AGBL1: variants seen among roughly 807,000 people sequenced by gnomAD.
The protein encoded by AGBL1 is cytosolic carboxypeptidase 4.
Under a neutral mutation model 118.9 loss-of-function variants are expected in AGBL1, and 130 were observed. The observed-to-expected ratio is 1.09, with a 90% confidence interval of 0.95 to 1.26. The LOEUF (loss-of-function observed/expected upper bound fraction) is 1.26, where lower values mean the gene tolerates loss of function less well. AGBL1 is among the 50% of genes most tolerant of loss of function. The pLI is 0.00. For synonymous variants in AGBL1, 555 were observed against 478.9 expected, an observed-to-expected ratio of 1.16 and a Z score of -2.08; for missense variants, 1,584 against 1,298.1, an observed-to-expected ratio of 1.22 and a Z score of -3.38.
At chr15:86,892,053 C>G (rs770690733) in intron 22 of AGBL1, among the ~76,000 whole-genome samples, 24 of 152,108 alleles carry the variant, frequency 1.6e-4, no homozygotes, top group Non-Finnish European at 2.9e-4. Context: ...TTAGGTCAAC[C>G]CATTTTTTCA....
chr15:86,266,538 A>G, intron 12 of AGBL1, 81 bp downstream of exon 12: 4 of 957,176 alleles, frequency 4.2e-6, no homozygotes, highest in Non-Finnish European at 6.2e-6. Context: ...TTTCCTGTTA[A>G]TAATCCACTC....
intron 21 of AGBL1, among the ~76,000 whole-genome samples, chr15:86,581,366 C>A (rs1313813283): frequency 6.6e-6 from 1 of 152,068 alleles, no homozygotes; most frequent in Non-Finnish European, 1.5e-5. Flanking sequence ...CCCCTCCTCC[C>A]CCATTGGCTA....
At chr15:86,167,508 A>C (rs550833064) in intron 5 of AGBL1, among the ~76,000 whole-genome samples, 1 of 152,314 alleles carries the variant, frequency 6.6e-6, no homozygotes, top group South Asian at 2.1e-4. Flanking sequence ...AGCCTCCCAA[A>C]GTGCTGGGAT....
At chr15:86,130,788 A>C (rs1409948314) in intron 1 of AGBL1, among the ~76,000 whole-genome samples, 2 of 152,052 alleles carry the variant, frequency 1.3e-5, no homozygotes, top group African/African-American at 4.8e-5. Flanking sequence ...AATTATCCTG[A>C]TCTCAGTGGC....
intron 5 of AGBL1, among the ~76,000 whole-genome samples, chr15:86,211,442 G>C (rs146212595): frequency 1.9e-4 from 29 of 152,360 alleles, no homozygotes; most frequent in African/African-American, 5.5e-4. Context: ...CCTGCCCCCA[G>C]AGCTGGGGTC....
chr15:86,928,546 A>G (rs1276377867), intron 23 of AGBL1, among the ~76,000 whole-genome samples: 1 of 152,186 alleles, frequency 6.6e-6, no homozygotes, highest in Non-Finnish European at 1.5e-5. Flanking sequence ...CTGCACTATC[A>G]CGTGCTGCAG....
At position 86,876,193 on chromosome 15, in the gene AGBL1, C is replaced by T. The variant is rs542115420; in HGVS notation, c.3159-30894C>T. Reference sequence around the variant, plus strand: ...TATACCAAGGACTCTGAAACCCCAGCCCAGGAGGCCCTTCTAAGCAGATGA... The same window carrying T: ...TATACCAAGGACTCTGAAACCCCAGTCCAGGAGGCCCTTCTAAGCAGATGA... On this transcript the variant is annotated intron_variant, in intron 22 of 22. Coordinates refer to ENST00000614907, the MANE Select transcript of AGBL1 (RefSeq NM_001386094.1). Among the ~76,000 whole-genome samples the T allele has an allele frequency of 8.5e-5, 13 of 152,244 alleles. No individual in the cohort carries two copies. In the South Asian group the frequency reaches 2.7e-3, roughly 32 times the overall value.
chr15:86,819,601 C>T (rs1037252331), intron 22 of AGBL1, among the ~76,000 whole-genome samples: 1 of 152,038 alleles, frequency 6.6e-6, no homozygotes, highest in African/African-American at 2.4e-5. Context: ...TGAAGGACCT[C>T]TTCAAGGAGA....
Position 86,256,888 on chromosome 15 carries a change from C to T in AGBL1, c.771C>T (p.Ile257=). 9 of 1,613,924 alleles carry T rather than the reference C, an allele frequency of 5.6e-6. No individual in the cohort carries two copies. Among genetic ancestry groups the T allele is most frequent in the Non-Finnish European group, 7.6e-6 (9 of 1,179,868 alleles). ...ATGACAAGAGCATGGAGCCCGTCAT[C>T]TCTGTGGTGCTTCAGATCCTGAGGC... ...CLDDKSMEPV[I]SVVLQILRQC... Residue 257 remains isoleucine (I), a synonymous_variant, in exon 8 of 23, where the codon ATC becomes ATT. Transcript: ENST00000614907.
chr15:86,331,148 C>T (rs1005335539), intron 17 of AGBL1, among the ~76,000 whole-genome samples: 12 of 148,806 alleles, frequency 8.1e-5, no homozygotes, highest in African/African-American at 3.0e-4. Flanking sequence ...CACTTGAACC[C>T]AGGAGGCAGA....
At chr15:86,286,749 A>ATATAT (rs60775713) in intron 16 of AGBL1, among the ~76,000 whole-genome samples, 2 of 145,454 alleles carry the variant, frequency 1.4e-5, no homozygotes, top group East Asian at 2.0e-4. Flanking sequence ...ATATATATAT[A>ATATAT]AAACTCCATC....
At chr15:86,660,869 A>G (rs765019108) in intron 21 of AGBL1, among the ~76,000 whole-genome samples, 15 of 152,140 alleles carry the variant, frequency 9.9e-5, no homozygotes, top group Non-Finnish European at 2.2e-4. Context: ...CCTTCTCCAA[A>G]GTATTCAGTC....
intron 18 of AGBL1, among the ~76,000 whole-genome samples, chr15:86,493,226 C>T (rs1305916507): frequency 2.0e-5 from 3 of 149,958 alleles, no homozygotes; most frequent in African/African-American, 7.4e-5. Flanking sequence ...AAAACACATA[C>T]AAAAAAACAT....
chr15:86,543,734 C>T (rs1284239724), intron 19 of AGBL1, among the ~76,000 whole-genome samples: 1 of 152,194 alleles, frequency 6.6e-6, no homozygotes, highest in African/African-American at 2.4e-5. Flanking sequence ...AACCAACTGG[C>T]CCTACCCAAA....
chr15:86,476,178 A>G lies in AGBL1; in HGVS notation c.2556-46632A>G, dbSNP rs192357883. Among the ~76,000 whole-genome samples, 1,420 of 152,300 alleles carry G rather than the reference A, an allele frequency of 9.3e-3. 24 individuals are homozygous for G. The highest frequency in any genetic ancestry group is 0.015 in the South Asian group (70 of 4,826). On this transcript the variant is annotated intron_variant, in intron 18 of 22. Transcript: ENST00000614907. ...TAGGAAGAAACTGCATCAACTAATG[A>G]GCAAAATAACCAGCTAACATCATAA...
chr15:86,724,104 C>T (rs568702234), intron 22 of AGBL1, among the ~76,000 whole-genome samples: 16 of 151,990 alleles, frequency 1.1e-4, no homozygotes, highest in South Asian at 4.2e-4. Flanking sequence ...GGTGCGGTGG[C>T]GGGCGCCTGT....
At chr15:86,109,610 A>G (rs1247166750) in intron 1 of AGBL1, among the ~76,000 whole-genome samples, 2 of 152,182 alleles carry the variant, frequency 1.3e-5, no homozygotes, top group African/African-American at 4.8e-5. Flanking sequence ...CAGCTCCACA[A>G]TTTGTTTTTT....
intron 21 of AGBL1, among the ~76,000 whole-genome samples, chr15:86,558,366 C>A (rs1240771099): frequency 6.6e-6 from 1 of 152,134 alleles, no homozygotes; most frequent in East Asian, 1.9e-4. Flanking sequence ...TGTGGGAAAA[C>A]AAAAGCCTTA....
intron 17 of AGBL1, among the ~76,000 whole-genome samples, chr15:86,307,414 T>C (rs1366476589): frequency 6.6e-6 from 1 of 152,162 alleles, no homozygotes; most frequent in Non-Finnish European, 1.5e-5. Flanking sequence ...CCCTGTCACC[T>C]CTTTTTAAAT....
Sources: allele counts gnomAD v4.1 joint callset (sites outside exome capture counted in the v4.1 genomes callset), GRCh38; gene constraint gnomAD v4.1.1; transcripts MANE v1.5; gene names NCBI Gene and HGNC (gene_info 2026-07-23, HGNC 2026-07-21).